The following ZNF273 variants were observed in gnomAD, a reference collection of about 807,000 sequenced individuals.
ZNF273 encodes the protein zinc finger protein 273.
A neutral mutation model predicts 14.9 loss-of-function variants in ZNF273; 11 were observed. The observed-to-expected ratio is 0.74, with a 90% CI of 0.46 to 1.22. The LOEUF is 1.22. Ranked by LOEUF, ZNF273 falls within the 50% of genes most tolerant of loss-of-function variation. ZNF273 has a pLI of 0.00. For missense variants in ZNF273, 577 were observed against 660.6 expected (o/e 0.87, Z 1.39); for synonymous variants, 199 against 223.9 (o/e 0.89, Z 0.99).
chr7:64,912,405 A>C (rs549995851), intron 1 of ZNF273, among the ~76,000 whole-genome samples: 1 of 152,272 alleles, frequency 6.6e-6, no homozygotes, highest in East Asian at 1.9e-4. Flanking sequence ...TTCTTCCACT[A>C]TTACTGTGCT....
chr7:64,917,583 A>G lies in ZNF273; in HGVS notation c.105A>G (p.Gly35=). 6.3e-7 allele frequency: 1 copy of G among 1,596,060 alleles called. No individual in the cohort carries two copies. Among genetic ancestry groups the G allele is most frequent in the Non-Finnish European group, 8.6e-7 (1 of 1,168,612 alleles). ...TPGLPGSLEM[G]PLTFRDVAIE... is the part of the protein sequence containing the mutation. ...TTTTGTGTGTGTGTGTTTTTCAGGG[A>G]CCACTGACATTTAGGGATGTGGCCA... The change falls in exon 2 of 4, where the codon GGA becomes GGG. Residue 35 remains glycine (G), a splice_region_variant and synonymous_variant. Coordinates refer to ENST00000476120, the MANE Select transcript of ZNF273 (RefSeq NM_021148.3).
Position 64,910,021 on chromosome 7 carries a change from G to GT in ZNF273, c.102+6612dup, listed in dbSNP as rs200707204. Reference sequence around the variant, plus strand: ...AACATCTGTTCATGCTTTTTTCCTAGTTTTTTTTTTCTGGCAAACTTGCTT... The same window carrying GT: ...AACATCTGTTCATGCTTTTTTCCTAGTTTTTTTTTTTCTGGCAAACTTGCTT... On this transcript the variant is annotated intron_variant, in intron 1 of 3. Transcript: ENST00000476120. Among the ~76,000 whole-genome samples the GT allele has an allele frequency of 7.2e-3, 1,064 of 147,706 alleles. 4 individuals are homozygous for GT. Among genetic ancestry groups the GT allele is most frequent in the Admixed American group, 0.012 (185 of 14,834 alleles).
intron 2 of ZNF273, 47 bp downstream of exon 2, chr7:64,917,754 C>T (rs1794115467): frequency 6.6e-7 from 1 of 1,505,278 alleles, no homozygotes; most frequent in Non-Finnish European, 8.9e-7. Flanking sequence ...CTTCTCCTTT[C>T]TGTAGAATGT....
At chr7:64,882,982 C>G (rs1391774174), downstream of ZNF273, among the ~76,000 whole-genome samples, 2 of 152,138 alleles carry the variant, frequency 1.3e-5, no homozygotes, top group East Asian at 3.9e-4. Flanking sequence ...TGTGTGTGCG[C>G]GTGTGTGTGT....
chr7:64,880,415 C>G (rs1279320116), downstream of ZNF273, among the ~76,000 whole-genome samples: 1 of 152,054 alleles, frequency 6.6e-6, no homozygotes, highest in Non-Finnish European at 1.5e-5. Flanking sequence ...GGCTTCCTGG[C>G]GAAGCAGAAC....
downstream of ZNF273, chr7:64,889,795 A>G: frequency 4.1e-6 from 4 of 982,762 alleles, no homozygotes; most frequent in Non-Finnish European, 4.8e-6. This position sits in a 1 kb window ranked among gnomAD's most constrained non-coding sequence, Gnocchi z 4.2. Context: ...CTGCACTTGC[A>G]TTTTATTTAA....
intron 3 of ZNF273, among the ~76,000 whole-genome samples, chr7:64,919,092 A>G (rs186204722): frequency 8.5e-4 from 130 of 152,268 alleles, no homozygotes; most frequent in Middle Eastern, 6.8e-3. Flanking sequence ...TTGAAATTTT[A>G]AAGTATGATG....
Position 64,927,884 on chromosome 7 carries a change from G to A in ZNF273, c.556G>A (p.Val186Ile), listed in dbSNP as rs975221270. The A allele has an allele frequency of 1.2e-6, 2 of 1,613,584 alleles. No individual in the cohort carries two copies. The highest frequency in any genetic ancestry group is 2.7e-5 in the African/African-American group (2 of 74,892). Residue 186 changes from valine to isoleucine, a missense_variant, in exon 4 of 4, where the codon GTC becomes ATC. Physicochemically the swap from Val to Ile is conservative, Grantham distance 29. Around this residue, in one of 3 missense-constraint regions of ZNF273, gnomAD observed 4 missense variants for 16.6 expected, o/e 0.24. Transcript: ENST00000476120. Reference protein sequence around the residue: ...KIFQCDKYVKVLHKFSNSNIH... With the variant: ...KIFQCDKYVKILHKFSNSNIH... ...ATTTCAATGTGATAAATATGTTAAA[G>A]TCCTTCATAAATTCTCAAATTCAAA...
At chr7:64,908,596 G>A (rs1793276265) in intron 1 of ZNF273, among the ~76,000 whole-genome samples, 1 of 152,148 alleles carries the variant, frequency 6.6e-6, no homozygotes, top group African/African-American at 2.4e-5. Context: ...GAAATTACAA[G>A]CACCTGTCAC....
intron 1 of ZNF273, among the ~76,000 whole-genome samples, chr7:64,913,060 C>T (rs1266639906): frequency 2.0e-5 from 3 of 151,804 alleles, no homozygotes; most frequent in Non-Finnish European, 1.5e-5. Context: ...AACTCCTGAC[C>T]TCAGGTGATC....
At position 64,912,826 on chromosome 7, in the gene ZNF273, G is replaced by GTTTTTTGTTGTTTTTTTTTTTTTTTTT; in HGVS notation, c.103-4749_103-4748insGTTGTTTTTTTTTTTTTTTTTTTTTTT. ...TCTTTTTGACTCAGGATTCATTTTA[G>GTTTTTTGTTGTTTTTTTTTTTTTTTTT]TTTTTTTTTTTTTTTTTTTTGAGAT... On this transcript the variant is annotated intron_variant, in intron 1 of 3. Transcript: ENST00000476120. Among the ~76,000 whole-genome samples, 46 of 36,576 alleles carry GTTTTTTGTTGTTTTTTTTTTTTTTTTT rather than the reference G, an allele frequency of 1.3e-3. 4 individuals carry two copies. The highest frequency in any genetic ancestry group is 2.6e-3 in the South Asian group (2 of 768). The allele number at this position is 36,576 out of a possible 152,430, so 24.0% of individuals were successfully genotyped here.
intron 3 of ZNF273, among the ~76,000 whole-genome samples, chr7:64,895,327 A>AT (rs1204315305): frequency 2.0e-5 from 3 of 152,122 alleles, no homozygotes; most frequent in African/African-American, 4.8e-5. Context: ...AAACAAATTG[A>AT]TTTTTTTCAA....
intron 2 of ZNF273, 31 bp from the exon 3 acceptor site, chr7:64,918,166 A>G: frequency 6.5e-7 from 1 of 1,533,544 alleles, no homozygotes; most frequent in Non-Finnish European, 8.8e-7. Flanking sequence ...AATATGAGCA[A>G]GATTCATGTT....
chr7:64,914,180 GTATTTTTTTTTTTT>G (rs905940950), intron 1 of ZNF273, among the ~76,000 whole-genome samples: 1 of 63,072 alleles, frequency 1.6e-5, no homozygotes, highest in Non-Finnish European at 2.9e-5. Context: ...GGTAATTTTT[GTATTTTTTTTTTTT>G]TTTTTTTTTT....
At chr7:64,896,436 GAC>G (rs1183210552) in intron 3 of ZNF273, among the ~76,000 whole-genome samples, 2 of 152,076 alleles carry the variant, frequency 1.3e-5, no homozygotes, top group Admixed American at 1.3e-4. Flanking sequence ...AATTAGCAAA[GAC>G]ACAATACAGA....
downstream of ZNF273, chr7:64,889,824 TC>T: frequency 2.1e-6 from 2 of 951,022 alleles, no homozygotes; most frequent in Non-Finnish European, 2.5e-6. The surrounding 1 kb of genome is among the most constrained non-coding windows in gnomAD (Gnocchi z 4.2). Flanking sequence ...AGGGTTAAAT[TC>T]GGGCAAGTCA....
upstream of ZNF273, among the ~76,000 whole-genome samples, chr7:64,900,721 A>C (rs1792656825): frequency 6.6e-6 from 1 of 152,176 alleles, no homozygotes; most frequent in African/African-American, 2.4e-5. Context: ...AGTCCTAACC[A>C]GTTTTTTGCA....
At chr7:64,878,053 C>T (rs1239412180) in intron 1 of ZNF273, among the ~76,000 whole-genome samples, 1 of 151,916 alleles carries the variant, frequency 6.6e-6, no homozygotes, top group Non-Finnish European at 1.5e-5. Context: ...TCTGTGGGTG[C>T]GTTTAAGCGG....
At chr7:64,917,925 T>C (rs1794128408) in intron 2 of ZNF273, among the ~76,000 whole-genome samples, 1 of 152,180 alleles carries the variant, frequency 6.6e-6, no homozygotes, top group Admixed American at 6.5e-5. Flanking sequence ...TCTAGATTAA[T>C]GGTAATTCCA....
Sources: allele counts gnomAD v4.1 joint callset (sites outside exome capture counted in the v4.1 genomes callset), GRCh38; gene constraint gnomAD v4.1.1; regional missense constraint gnomAD v4.1.1; non-coding constraint Gnocchi (gnomAD v3.1); transcripts MANE v1.5; gene names NCBI Gene and HGNC (gene_info 2026-07-23, HGNC 2026-07-21).